SPAG17: variants seen among roughly 807,000 people sequenced by gnomAD.
SPAG17 encodes the protein sperm associated antigen 17, also known as sperm-associated antigen 17.
SPAG17 carries 169 observed loss-of-function variants against 273.6 expected under a neutral mutation model. The ratio of observed to expected loss-of-function variants is 0.62; its 90% confidence interval spans 0.55 to 0.70. The LOEUF (loss-of-function observed/expected upper bound fraction) is 0.70, where lower values mean the gene tolerates loss of function less well. Among genes scored for constraint, SPAG17 ranks in the 30% least tolerant of loss-of-function variants. SPAG17 has a pLI of 0.00. For synonymous variants in SPAG17, 825 were observed against 873.2 expected (o/e 0.94, Z 0.97); for missense variants, 2,557 against 2,627.8 (o/e 0.97, Z 0.59).
chr1:117,979,461 C>T (rs959159604), intron 43 of SPAG17, among the ~76,000 whole-genome samples: 3 of 152,130 alleles, frequency 2.0e-5, no homozygotes, highest in Non-Finnish European at 4.4e-5. Flanking sequence ...CCCTCTTCGC[C>T]CACCATAGCC....
At chr1:117,987,312 G>T (rs1021911296) in intron 40 of SPAG17, among the ~76,000 whole-genome samples, 1 of 152,078 alleles carries the variant, frequency 6.6e-6, no homozygotes, top group African/African-American at 2.4e-5. Flanking sequence ...TTTTTATGAA[G>T]AAACATATTA....
chr1:117,994,376 T>C, intron 35 of SPAG17, 30 bp downstream of exon 35: 1 of 1,604,616 alleles, frequency 6.2e-7, no homozygotes, highest in Non-Finnish European at 8.5e-7. Flanking sequence ...TATACGCTAA[T>C]AAAATGACTT....
chr1:118,099,765 T>C lies in SPAG17; in HGVS notation c.670A>G (p.Ile224Val). 1 of 1,613,024 alleles carries C rather than the reference T, an allele frequency of 6.2e-7. No individual in the cohort carries two copies. Among genetic ancestry groups the C allele is most frequent in the East Asian group, 2.2e-5 (1 of 44,872 alleles). The change falls in exon 6 of 49, where the codon ATA becomes GTA. Residue 224 changes from isoleucine to valine, a missense_variant. By Grantham distance (29) the Ile-to-Val change is conservative. Transcript: ENST00000336338. ...EPDDGAQHYIIVVGFNNPQLL... is the reference protein window; with the variant it reads ...EPDDGAQHYIVVVGFNNPQLL... ...TGAGGATTGTTAAAGCCCACAACTA[T>C]AATGTAATGTTGGGCACCATCATCT...
intron 48 of SPAG17, among the ~76,000 whole-genome samples, chr1:117,956,016 T>TA (rs1480620037): frequency 6.6e-6 from 1 of 152,206 alleles, no homozygotes; most frequent in African/African-American, 2.4e-5. Flanking sequence ...TAGCAGGCTT[T>TA]AAAAAATTTG....
At chr1:118,085,236 G>T (rs1036588808) in intron 13 of SPAG17, among the ~76,000 whole-genome samples, 1 of 151,974 alleles carries the variant, frequency 6.6e-6, no homozygotes, top group Non-Finnish European at 1.5e-5. Context: ...AACTGTGAAA[G>T]GACAGAATGG....
chr1:118,095,717 CT>C (rs972007342), intron 7 of SPAG17, among the ~76,000 whole-genome samples: 18 of 152,064 alleles, frequency 1.2e-4, no homozygotes, highest in African/African-American at 4.1e-4. Context: ...AAATATGTCA[CT>C]TTTTTTAGTA....
chr1:118,002,810 A>G (rs1658448829), intron 32 of SPAG17, among the ~76,000 whole-genome samples: 1 of 152,164 alleles, frequency 6.6e-6, no homozygotes, highest in Non-Finnish European at 1.5e-5. Flanking sequence ...TAATTGGGGC[A>G]TTTAGCCCAT....
intron 24 of SPAG17, among the ~76,000 whole-genome samples, chr1:118,035,930 C>T (rs762704389): frequency 5.5e-4 from 84 of 152,140 alleles, no homozygotes; most frequent in Admixed American, 1.6e-3. Flanking sequence ...CAGTGGTTCA[C>T]GTTTGTAATC....
chr1:118,150,518 A>G lies in SPAG17; in HGVS notation c.315+25T>C, dbSNP rs767477921. 13 of 1,302,162 alleles carry G rather than the reference A, an allele frequency of 1.0e-5. No homozygotes were observed. In the Admixed American group the frequency reaches 1.3e-4, roughly 13 times the overall value. 80.7% of individuals were successfully genotyped at this position (1,302,162 alleles called of 1,614,324 possible). A position where few individuals can be genotyped will look rare whatever the true frequency, so the allele number is the denominator to read the frequency against. On this transcript the variant is annotated intron_variant, in intron 3 of 48. Coordinates refer to ENST00000336338, the MANE Select transcript of SPAG17 (RefSeq NM_206996.4). The stretch of plus-strand genomic sequence containing the variant: ...TTCTTTTTTCTAAAAACACAAAAAT[A>G]TCTTCTATAAACACTTTCACTTACC...
chr1:118,162,127 A>G (rs1172675908), intron 1 of SPAG17, among the ~76,000 whole-genome samples: 1 of 152,220 alleles, frequency 6.6e-6, no homozygotes, highest in Non-Finnish European at 1.5e-5. Context: ...TTCAAGCCCT[A>G]GATCTGGTTA....
intron 1 of SPAG17, among the ~76,000 whole-genome samples, chr1:118,170,779 C>T (rs56384375): frequency 6.6e-6 from 1 of 152,076 alleles, no homozygotes; most frequent in Non-Finnish European, 1.5e-5. Flanking sequence ...TCTCCAGGAG[C>T]TCATTGCCTC....
chr1:118,065,486 C>A (rs937584727), intron 18 of SPAG17, among the ~76,000 whole-genome samples: 3 of 151,968 alleles, frequency 2.0e-5, no homozygotes, highest in Non-Finnish European at 1.5e-5. Flanking sequence ...ATACTAAAAC[C>A]AAATAGGAAT....
intron 24 of SPAG17, among the ~76,000 whole-genome samples, chr1:118,034,717 A>C (rs1321981174): frequency 6.6e-6 from 1 of 152,214 alleles, no homozygotes; most frequent in Non-Finnish European, 1.5e-5. Flanking sequence ...CACAGAAATA[A>C]TAGGGTAGGA....
At chr1:118,168,064 G>A (rs959733454) in intron 1 of SPAG17, among the ~76,000 whole-genome samples, 10 of 152,290 alleles carry the variant, frequency 6.6e-5, no homozygotes, top group African/African-American at 1.9e-4. Context: ...CTTTAAGCCT[G>A]CAGAACTGTG....
At position 117,994,502 on chromosome 1, in the gene SPAG17, A is replaced by G. The variant is rs1231350106; in HGVS notation, c.5082T>C (p.Pro1694=). Residue 1694 remains proline (P), a synonymous_variant, in exon 35 of 49, where the codon CCT becomes CCC. Coordinates refer to ENST00000336338, the MANE Select transcript of SPAG17 (RefSeq NM_206996.4). Reference sequence around the variant, plus strand: ...CTTGCCATGGTGATGCTTCATGGAAAGGGCGAAGGACTGTGATGGTTAGGG... The same window carrying G: ...CTTGCCATGGTGATGCTTCATGGAAGGGGCGAAGGACTGTGATGGTTAGGG... ...PGTLTITVLR[P]FHEASPWQVK... is the part of the protein sequence containing the mutation. 1 of 1,612,500 alleles carries G rather than the reference A, an allele frequency of 6.2e-7. No homozygotes were observed. The highest frequency in any genetic ancestry group is 8.5e-7 in the Non-Finnish European group (1 of 1,179,064).
intron 24 of SPAG17, among the ~76,000 whole-genome samples, chr1:118,032,482 C>T (rs1648586765): frequency 6.6e-6 from 1 of 151,960 alleles, no homozygotes; most frequent in South Asian, 2.1e-4. Context: ...TTTTATTTTC[C>T]TCTAGGTTCC....
rs375972389 is a variant in SPAG17 at position 117,980,082 on chromosome 1, T to C, written c.6004+1188A>G. 2.2e-4 allele frequency among the ~76,000 whole-genome samples: 34 copies of C among 152,356 alleles called. 1 individual carries two copies. In the East Asian group the frequency reaches 6.2e-3, roughly 28 times the overall value. On this transcript the variant is annotated intron_variant, in intron 43 of 48. Coordinates refer to ENST00000336338, the MANE Select transcript of SPAG17 (RefSeq NM_206996.4). ...GGTCTAGCTCCATCAGACTGTGCCCTCATTACTATTGTATATCCATGCCTA... is the reference window on the plus strand; with the variant it reads ...GGTCTAGCTCCATCAGACTGTGCCCCCATTACTATTGTATATCCATGCCTA...
intron 1 of SPAG17, among the ~76,000 whole-genome samples, chr1:118,166,537 G>C (rs1454402503): frequency 6.6e-6 from 1 of 151,978 alleles, no homozygotes; most frequent in African/African-American, 2.4e-5. Context: ...AAAAGCACAG[G>C]GTTCAGTGCT....
chr1:118,021,032 T>G (rs1178106267), intron 28 of SPAG17, among the ~76,000 whole-genome samples: 1 of 152,122 alleles, frequency 6.6e-6, no homozygotes, highest in Non-Finnish European at 1.5e-5. Flanking sequence ...AATAAACTTT[T>G]TCAGAACTTT....
Sources: gnomAD v4.1 joint callset for allele counts (sites outside exome capture counted in the v4.1 genomes callset) on GRCh38, gnomAD v4.1.1 for gene constraint, MANE v1.5 for transcripts, NCBI Gene and HGNC (gene_info 2026-07-23, HGNC 2026-07-21) for gene names.